Variants in PHF14 observed in about 807,000 individuals in gnomAD.
PHF14 encodes the protein PHD finger protein 14.
In PHF14, 55 loss-of-function variants were observed where a neutral mutation model predicts 117.9. That is an observed-to-expected ratio of 0.47 (90% CI 0.38 to 0.58). The LOEUF (loss-of-function observed/expected upper bound fraction) is 0.58, where lower values mean the gene tolerates loss of function less well. Among genes scored for constraint, PHF14 ranks in the 20% least tolerant of loss-of-function variants. The pLI is 0.00. For synonymous variants in PHF14, 409 were observed against 368.6 expected, an observed-to-expected ratio of 1.11 and a Z score of -1.26; for missense variants, 978 against 1,122.2, an observed-to-expected ratio of 0.87 and a Z score of 1.84.
intron 16 of PHF14, among the ~76,000 whole-genome samples, chr7:11,099,581 G>T (rs1006955025): frequency 1.3e-5 from 2 of 151,890 alleles, no homozygotes; most frequent in Non-Finnish European, 2.9e-5. Context: ...ATCCTCCATT[G>T]CAGGGTGTTA....
At chr7:11,042,080 A>G (rs1055922306) in intron 12 of PHF14, among the ~76,000 whole-genome samples, 3 of 151,884 alleles carry the variant, frequency 2.0e-5, no homozygotes, top group African/African-American at 4.8e-5. Context: ...AAATTCCACA[A>G]TCTTTGCAAT....
intron 9 of PHF14, 84 bp downstream of exon 9, chr7:11,036,772 A>G (rs1368198588): frequency 7.9e-7 from 1 of 1,260,146 alleles, no homozygotes; most frequent in Non-Finnish European, 1.1e-6. Flanking sequence ...AATTTTTAGA[A>G]ATTTATTAGC....
At position 11,111,372 on chromosome 7, in the gene PHF14, T is replaced by C; in HGVS notation, c.2677T>C (p.Tyr893His). The C allele has an allele frequency of 6.2e-7, 1 of 1,601,496 alleles. No individual in the cohort carries two copies. Among genetic ancestry groups the C allele is most frequent in the Non-Finnish European group, 8.5e-7 (1 of 1,170,680 alleles). The change falls in exon 17 of 18, where the codon TAC becomes CAC. Residue 893 changes from tyrosine (Y) to histidine (H), a missense_variant. Tyr to His is a moderately conservative substitution (Grantham distance 83). This residue lies in a region of PHF14 where 180 missense variants were observed against 195.4 expected (regional missense o/e 0.92). Transcript: ENST00000634607. ...LVRCDECRLCYHFGCLDPPLK... is the reference protein window; with the variant it reads ...LVRCDECRLCHHFGCLDPPLK... ...CAGGTGTGATGAATGCAGACTCTGCTACCATTTTGGCTGTTTGGATCCTCC... is the reference window on the plus strand; with the variant it reads ...CAGGTGTGATGAATGCAGACTCTGCCACCATTTTGGCTGTTTGGATCCTCC...
Position 11,145,150 on chromosome 7 carries a change from C to T in PHF14, c.2773-24266C>T, listed in dbSNP as rs913904680. Among the ~76,000 whole-genome samples, 17 of 151,762 alleles carry T rather than the reference C, an allele frequency of 1.1e-4. 1 individual carries two copies. The highest frequency in any genetic ancestry group is 9.6e-4 in the East Asian group (5 of 5,190). On this transcript the variant is annotated intron_variant, in intron 17 of 17. Transcript: ENST00000634607. ...ATAAAAATGATTAAAAAAAAACCCT[C>T]GGGAGGGGTTCAGGTGGCAGAGGAA... is the stretch of plus-strand genomic sequence containing the variant.
chr7:11,090,215 C>G (rs990478088), intron 16 of PHF14, among the ~76,000 whole-genome samples: 4 of 152,166 alleles, frequency 2.6e-5, no homozygotes. Context: ...GAAAGTAATT[C>G]TTTAAGTATA....
chr7:11,144,185 A>G (rs1220986569), intron 17 of PHF14, among the ~76,000 whole-genome samples: 1 of 152,122 alleles, frequency 6.6e-6, no homozygotes, highest in African/African-American at 2.4e-5. Context: ...CCCAGTTAGA[A>G]TGGCCATAAT....
At chr7:11,147,287 A>G (rs948852213) in intron 17 of PHF14, among the ~76,000 whole-genome samples, 17 of 152,242 alleles carry the variant, frequency 1.1e-4, no homozygotes, top group African/African-American at 3.9e-4. Context: ...TAAGAAGTCC[A>G]GAGATAGCAG....
At chr7:11,118,628 C>T (rs564214144) in intron 17 of PHF14, among the ~76,000 whole-genome samples, 78 of 151,676 alleles carry the variant, frequency 5.1e-4, no homozygotes, top group Middle Eastern at 3.4e-3. Context: ...TTTATTAATA[C>T]TTTATTGTCC....
intron 17 of PHF14, among the ~76,000 whole-genome samples, chr7:11,155,773 GT>G (rs369861089): frequency 0.014 from 2,105 of 147,476 alleles, 56 homozygotes; most frequent in African/African-American, 0.049. Context: ...TTTTTTTTTT[GT>G]TTTTTTTTAG....
chr7:11,109,298 C>A (rs1738292943), intron 16 of PHF14: 1 of 151,750 alleles, frequency 6.6e-6, no homozygotes, highest in African/African-American at 2.4e-5. Flanking sequence ...TACAAGAATT[C>A]AAATAGAACA....
At chr7:11,128,573 AAAGT>A (rs895974685) in intron 17 of PHF14, among the ~76,000 whole-genome samples, 1 of 151,942 alleles carries the variant, frequency 6.6e-6, no homozygotes, top group Non-Finnish European at 1.5e-5. Context: ...ATCCAAGAAA[AAAGT>A]AAGGCGCTTT....
chr7:11,110,586 G>C (rs1471450020), intron 16 of PHF14: 10 of 907,456 alleles, frequency 1.1e-5, no homozygotes, highest in Non-Finnish European at 1.2e-5. Context: ...CACATCATAG[G>C]TGGCAAAGAC....
At position 11,036,646 on chromosome 7, in the gene PHF14, A is replaced by C. The variant is rs1289258063; in HGVS notation, c.1831A>C (p.Lys611Gln). 1 of 1,613,836 alleles carries C rather than the reference A, an allele frequency of 6.2e-7. No individual in the cohort carries two copies. Among genetic ancestry groups the C allele is most frequent in the Non-Finnish European group, 8.5e-7 (1 of 1,179,762 alleles). Residue 611 changes from lysine to glutamine, a missense_variant, in exon 9 of 18, where the codon AAG becomes CAG. Physicochemically the swap from Lys to Gln is moderately conservative, Grantham distance 53 (BLOSUM62 1). Around this residue, in one of 7 missense-constraint regions of PHF14, gnomAD observed 237 missense variants for 276.4 expected, o/e 0.86. Coordinates refer to ENST00000634607, the MANE Select transcript of PHF14 (RefSeq NM_001007157.2). Reference sequence around the variant, plus strand: ...TAGTGTGGATGGAAGGAGAAAACATAAGCAACCAGCTCTCACTGCAGATTT... The same window carrying C: ...TAGTGTGGATGGAAGGAGAAAACATCAGCAACCAGCTCTCACTGCAGATTT... ...SSSVDGRRKHKQPALTADFVN... is the reference protein window; with the variant it reads ...SSSVDGRRKHQQPALTADFVN...
In PHF14 at chr7:11,051,649, A is replaced by T; in HGVS notation, c.2350A>T (p.Met784Leu). 1.9e-6 allele frequency: 3 copies of T among 1,613,592 alleles called. No homozygotes were observed. Among genetic ancestry groups the T allele is most frequent in the Non-Finnish European group, 2.5e-6 (3 of 1,179,658 alleles). The change falls in exon 14 of 18, where the codon ATG (methionine) becomes TTG (leucine). Residue 784 changes from methionine (M) to leucine (L), a missense_variant. By Grantham distance (15) the Met-to-Leu change is conservative (BLOSUM62 2). Coordinates refer to ENST00000634607, the MANE Select transcript of PHF14 (RefSeq NM_001007157.2). The stretch of plus-strand genomic sequence containing the variant: ...ATGTGACCAGGCAGGGAGCAGTGAC[A>T]TGGAAGCAGATATGGCCATGGAAAC... ...SECDQAGSSDMEADMAMETLP... is the reference protein window; with the variant it reads ...SECDQAGSSDLEADMAMETLP...
chr7:11,070,439 A>G (rs1486393447), intron 16 of PHF14, among the ~76,000 whole-genome samples: 2 of 152,166 alleles, frequency 1.3e-5, no homozygotes, highest in African/African-American at 4.8e-5. Context: ...TCTTTCTTAT[A>G]TGTCAGCACC....
chr7:11,098,766 G>A (rs1786973507), intron 16 of PHF14, among the ~76,000 whole-genome samples: 1 of 152,130 alleles, frequency 6.6e-6, no homozygotes, highest in African/African-American at 2.4e-5. Flanking sequence ...ACAGAACAGT[G>A]TAAGATTTAA....
intron 17 of PHF14, among the ~76,000 whole-genome samples, chr7:11,162,095 TTTTTTTTTTTTG>T (rs1789059740): frequency 3.2e-5 from 3 of 92,996 alleles, no homozygotes; most frequent in African/African-American, 1.2e-4. Context: ...TTTTTTTTTT[TTTTTTTTTTTTG>T]AGACAGAGCC....
intron 16 of PHF14, among the ~76,000 whole-genome samples, chr7:11,084,675 G>T (rs906071413): frequency 1.3e-5 from 2 of 151,820 alleles, no homozygotes; most frequent in Admixed American, 6.6e-5. Flanking sequence ...AGTGTGCTAG[G>T]CCAAAATTAT....
At chr7:11,027,265 C>G (rs1212259847) in intron 6 of PHF14, among the ~76,000 whole-genome samples, 2 of 151,982 alleles carry the variant, frequency 1.3e-5, no homozygotes, top group Non-Finnish European at 1.5e-5. Flanking sequence ...TGCTATTTGC[C>G]AGTATATTAT....
Sources: gnomAD v4.1 joint callset for allele counts (sites outside exome capture counted in the v4.1 genomes callset) on GRCh38, gnomAD v4.1.1 for gene constraint, gnomAD v4.1.1 regional missense constraint, MANE v1.5 for transcripts, NCBI Gene and HGNC (gene_info 2026-07-23, HGNC 2026-07-21) for gene names.